The following DGKB variants were observed in gnomAD, a reference collection of about 807,000 sequenced individuals.
DGKB encodes the protein diacylglycerol kinase beta, also known as 90 kDa diacylglycerol kinase.
DGKB carries 67 observed loss-of-function variants against 114.3 expected under a neutral mutation model. The ratio of observed to expected loss-of-function variants is 0.59; its 90% CI spans 0.48 to 0.72. DGKB has a LOEUF of 0.72. DGKB is among the 30% of genes least tolerant of loss of function. The pLI is 0.00. For synonymous variants in DGKB, 398 were observed against 323.1 expected (o/e 1.23, Z -2.49); for missense variants, 907 against 975.2 (o/e 0.93, Z 0.93).
chr7:14,165,509 T>C (rs1784491583), intron 25 of DGKB, among the ~76,000 whole-genome samples: 1 of 152,206 alleles, frequency 6.6e-6, no homozygotes, highest in Admixed American at 6.5e-5. Flanking sequence ...GTACTGTTTA[T>C]ATTTAGGCTT....
At chr7:14,698,930 C>T (rs947490309) in intron 7 of DGKB, among the ~76,000 whole-genome samples, 2 of 151,506 alleles carry the variant, frequency 1.3e-5, no homozygotes, top group Non-Finnish European at 2.9e-5. Flanking sequence ...GGTGTTTTAC[C>T]GTATGATTTA....
chr7:14,873,361 T>C (rs1852773408), intron 1 of DGKB, among the ~76,000 whole-genome samples: 1 of 152,122 alleles, frequency 6.6e-6, no homozygotes, highest in Non-Finnish European at 1.5e-5. Context: ...ATCATGATAA[T>C]AGCCTGTTTA....
intron 21 of DGKB, among the ~76,000 whole-genome samples, chr7:14,350,468 A>C (rs1813247324): frequency 6.6e-6 from 1 of 152,048 alleles, no homozygotes; most frequent in Admixed American, 6.6e-5. Context: ...CTAATTAGAC[A>C]TGAAACTCAT....
intron 17 of DGKB, among the ~76,000 whole-genome samples, chr7:14,588,699 C>A (rs898217587): frequency 1.3e-5 from 2 of 151,908 alleles, no homozygotes; most frequent in African/African-American, 4.8e-5. Context: ...ATGCAAAGTC[C>A]ATGATAAGTA....
intron 17 of DGKB, 95 bp from the exon 18 acceptor site, chr7:14,583,232 T>A: frequency 3.0e-6 from 2 of 677,470 alleles, no homozygotes; most frequent in Non-Finnish European, 4.9e-6. Context: ...TGAAATACGT[T>A]TTTATTTTAT....
Position 14,212,428 on chromosome 7 carries a change from A to ATTTTACTCTCATGTTTTGTGATTT in DGKB, c.2123-34278_2123-34277insAAATCACAAAACATGAGAGTAAAA, listed in dbSNP as rs77887965. Among the ~76,000 whole-genome samples, 15 of 63,536 alleles carry ATTTTACTCTCATGTTTTGTGATTT rather than the reference A, an allele frequency of 2.4e-4. 5 individuals are homozygous for ATTTTACTCTCATGTTTTGTGATTT. The East Asian group carries it at 4.3e-3, about 18-fold the overall frequency. 41.7% of individuals were successfully genotyped at this position (63,536 alleles called of 152,430 possible). A position where few individuals can be genotyped will look rare whatever the true frequency, so the allele number is the denominator to read the frequency against. On this transcript the variant is annotated intron_variant, in intron 23 of 25. Transcript: ENST00000402815. ...TGTGATTTTACTCTCGTGTTTTGTG[A>ATTTTACTCTCATGTTTTGTGATTT]TATTTACTCTCATGTTTTGTGTTCC...
rs551018413 is a variant in DGKB at position 14,520,567 on chromosome 7, G to A, written c.1771-42342C>T. Among the ~76,000 whole-genome samples the A allele has an allele frequency of 1.3e-3, 198 of 150,480 alleles. 1 individual carries two copies. The highest frequency in any genetic ancestry group is 2.0e-3 in the Non-Finnish European group (135 of 67,442). On this transcript the variant is annotated intron_variant, in intron 20 of 25. Coordinates refer to ENST00000402815, the MANE Select transcript of DGKB (RefSeq NM_001350709.2). ...AAAATATGTTTTATTCTTCTTTGTG[G>A]TTTTTTTTGATCCATGAGAGATTCA...
intron 1 of DGKB, among the ~76,000 whole-genome samples, chr7:14,935,477 T>C (rs543982229): frequency 4.7e-4 from 72 of 152,322 alleles, no homozygotes; most frequent in Middle Eastern, 3.4e-3. Flanking sequence ...CATTTTCTAC[T>C]GAATGCATGC....
chr7:14,677,618 C>T (rs1219875625), intron 12 of DGKB, among the ~76,000 whole-genome samples: 3 of 151,962 alleles, frequency 2.0e-5, no homozygotes, highest in African/African-American at 7.2e-5. Context: ...TGAGTCCTGC[C>T]TGACCAGTGA....
chr7:14,401,000 T>C (rs565665070), intron 21 of DGKB, among the ~76,000 whole-genome samples: 1 of 151,966 alleles, frequency 6.6e-6, no homozygotes, highest in East Asian at 1.9e-4. Context: ...TCTTGTTGAC[T>C]ACAAAATCAC....
chr7:14,158,435 CTGTT>C (rs548851992), intron 25 of DGKB, among the ~76,000 whole-genome samples: 7 of 152,076 alleles, frequency 4.6e-5, no homozygotes, highest in South Asian at 2.1e-4. Flanking sequence ...ATAATTATTT[CTGTT>C]TGTTTGTTTG....
rs1841769342 is a variant in DGKB at position 14,798,845 on chromosome 7, T to G, written c.71-41114A>C. Among the ~76,000 whole-genome samples, 4 of 152,302 alleles carry G rather than the reference T, an allele frequency of 2.6e-5. No individual in the cohort carries two copies. In the South Asian group the frequency reaches 6.2e-4, roughly 24 times the overall value. On this transcript the variant is annotated intron_variant, in intron 2 of 25. Coordinates refer to ENST00000402815, the MANE Select transcript of DGKB (RefSeq NM_001350709.2). ...AGATATAGTCAGCAGCTCCCCACAT[T>G]TATTCCCTGACCTATGGAATGAGGG... is the stretch of plus-strand genomic sequence containing the variant.
chr7:14,293,292 GC>G (rs1376700300), intron 23 of DGKB, among the ~76,000 whole-genome samples: 2 of 152,142 alleles, frequency 1.3e-5, no homozygotes, highest in African/African-American at 4.8e-5. Flanking sequence ...ATTTGCAGGT[GC>G]ATGATAAAAA....
In DGKB at chr7:14,769,220, A is replaced by AAG. The variant is rs199632692; in HGVS notation, c.71-11491_71-11490dup. Among the ~76,000 whole-genome samples, 54 of 117,952 alleles carry AAG rather than the reference A, an allele frequency of 4.6e-4. 1 individual carries two copies. The highest frequency in any genetic ancestry group is 1.8e-3 in the African/African-American group (54 of 30,628). The allele number at this position is 117,952 out of a possible 152,430, so 77.4% of individuals were successfully genotyped here. A position where few individuals can be genotyped will look rare whatever the true frequency, so the allele number is the denominator to read the frequency against. On this transcript the variant is annotated intron_variant, in intron 2 of 25. Transcript: ENST00000402815. ...GAAAGGAAGAAAGGAAAGAAAGAGA[A>AAG]AGAGAGAGAGAAAGAAAGAAAGAAA... is the stretch of plus-strand genomic sequence containing the variant.
intron 1 of DGKB, among the ~76,000 whole-genome samples, chr7:14,868,964 T>C (rs1327514033): frequency 6.6e-6 from 1 of 152,150 alleles, no homozygotes; most frequent in African/African-American, 2.4e-5. Context: ...TGAAGACACT[T>C]GGAGAAAGAA....
At chr7:14,149,357 G>A (rs766085754) in intron 25 of DGKB, 119 bp from the exon 26 acceptor site, 8 of 654,122 alleles carry the variant, frequency 1.2e-5, no homozygotes, top group Non-Finnish European at 1.5e-5. Context: ...CTGAAACACC[G>A]CAAGTGTAAA....
chr7:14,249,507 A>G (rs1794930347), intron 23 of DGKB, among the ~76,000 whole-genome samples: 1 of 152,092 alleles, frequency 6.6e-6, no homozygotes, highest in African/African-American at 2.4e-5. Flanking sequence ...TTACTGATTC[A>G]ATCTCCTTAC....
intron 21 of DGKB, among the ~76,000 whole-genome samples, chr7:14,421,509 A>C (rs1209637569): frequency 6.6e-6 from 1 of 152,114 alleles, no homozygotes; most frequent in Non-Finnish European, 1.5e-5. Flanking sequence ...AAAGTAGATA[A>C]TATCTATTCT....
intron 23 of DGKB, among the ~76,000 whole-genome samples, chr7:14,220,981 G>A (rs962464726): frequency 6.6e-6 from 1 of 150,876 alleles, no homozygotes; most frequent in African/African-American, 2.4e-5. Context: ...TGTTGCAAGG[G>A]TCTAGAAATA....
Sources: gnomAD v4.1 joint callset for allele counts (sites outside exome capture counted in the v4.1 genomes callset) on GRCh38, gnomAD v4.1.1 for gene constraint, MANE v1.5 for transcripts, NCBI Gene and HGNC (gene_info 2026-07-23, HGNC 2026-07-21) for gene names.